CCDC102B: variants seen among roughly 807,000 people sequenced by gnomAD.
CCDC102B encodes the protein coiled-coil domain containing 102B.
Under a neutral mutation model 57.4 loss-of-function variants are expected in CCDC102B, and 75 were observed. The observed-to-expected ratio is 1.31, with a 90% CI of 1.08 to 1.58. The LOEUF (loss-of-function observed/expected upper bound fraction) is 1.58, where lower values mean the gene tolerates loss of function less well. CCDC102B is among the 40% of genes most tolerant of loss of function. The pLI, the probability that CCDC102B is intolerant of heterozygous loss-of-function variation, is 0.00. For missense variants in CCDC102B, 636 were observed against 582.6 expected, an observed-to-expected ratio of 1.09 and a Z score of -0.94; for synonymous variants, 206 against 201.9, an observed-to-expected ratio of 1.02 and a Z score of -0.17.
At chr18:68,822,732 G>T (rs536680819) in intron 1 of CCDC102B, among the ~76,000 whole-genome samples, 2 of 152,118 alleles carry the variant, frequency 1.3e-5, no homozygotes. Context: ...GCGGTATTTG[G>T]TTTTCTGTTC....
chr18:69,053,517 G>A (rs1192163516), intron 7 of CCDC102B, among the ~76,000 whole-genome samples: 6 of 151,462 alleles, frequency 4.0e-5, no homozygotes, highest in Non-Finnish European at 8.9e-5. Context: ...ATCATTTTGA[G>A]GTTTATTACT....
intron 7 of CCDC102B, among the ~76,000 whole-genome samples, chr18:69,012,251 A>T (rs2145396919): frequency 6.6e-6 from 1 of 152,288 alleles, no homozygotes; most frequent in African/African-American, 2.4e-5. Context: ...GAATAATTTT[A>T]ACATGCAAGT....
At chr18:68,800,540 A>G (rs1281207893) in intron 1 of CCDC102B, among the ~76,000 whole-genome samples, 1 of 152,170 alleles carries the variant, frequency 6.6e-6, no homozygotes, top group African/African-American at 2.4e-5. Context: ...ATTTTCTTAA[A>G]TCTACTTAGA....
At chr18:68,888,898 C>T (rs117334050) in intron 5 of CCDC102B, among the ~76,000 whole-genome samples, 4,496 of 152,090 alleles carry the variant, frequency 0.03, 87 homozygotes, top group Non-Finnish European at 0.046. Context: ...TCCAGAAACC[C>T]TTTATCTAAT....
intron 6 of CCDC102B, among the ~76,000 whole-genome samples, chr18:68,996,264 C>T (rs1158610698): frequency 3.3e-5 from 5 of 152,114 alleles, no homozygotes; most frequent in Admixed American, 2.0e-4. Flanking sequence ...TTCTGGCCTC[C>T]ATCTTTCTCC....
chr18:68,877,364 G>A (rs115987019), intron 5 of CCDC102B, among the ~76,000 whole-genome samples: 17 of 152,280 alleles, frequency 1.1e-4, no homozygotes, highest in African/African-American at 4.1e-4. Flanking sequence ...CACATCTAGT[G>A]TTTAACACCT....
chr18:68,874,726 A>G lies in CCDC102B; in HGVS notation c.994A>G (p.Lys332Glu). 6.2e-7 allele frequency: 1 copy of G among 1,612,490 alleles called. No individual in the cohort carries two copies. The highest frequency in any genetic ancestry group is 8.5e-7 in the Non-Finnish European group (1 of 1,178,852). The change falls in exon 5 of 8, where the codon AAG becomes GAG. Residue 332 changes from lysine (K) to glutamate (E), a missense_variant. Physicochemically the swap from Lys to Glu is moderately conservative, Grantham distance 56. Coordinates refer to ENST00000360242, the MANE Select transcript of CCDC102B (RefSeq NM_024781.3). ...AATGCAAGAACTGTCAGGCAATATA[A>G]AGGAAGAATCCAAATCTCAAAACAG... The part of the protein sequence containing the change: ...DEMQELSGNI[K>E]EESKSQNSKD...
intron 2 of CCDC102B, among the ~76,000 whole-genome samples, chr18:68,770,242 A>G (rs2034596580): frequency 6.6e-6 from 1 of 152,140 alleles, no homozygotes; most frequent in Admixed American, 6.5e-5. Flanking sequence ...TTGCTTTTAA[A>G]TCTCCACTAG....
At chr18:68,966,107 G>A (rs573604439) in intron 6 of CCDC102B, among the ~76,000 whole-genome samples, 3 of 152,124 alleles carry the variant, frequency 2.0e-5, no homozygotes, top group South Asian at 2.1e-4. Flanking sequence ...TTTGATATTC[G>A]CCCATAGCTC....
chr18:68,994,496 C>T (rs995309970), intron 6 of CCDC102B, among the ~76,000 whole-genome samples: 8 of 151,940 alleles, frequency 5.3e-5, no homozygotes, highest in African/African-American at 1.9e-4. Context: ...TAATCCTCCC[C>T]TCTCCCTGAC....
At chr18:68,899,659 G>T (rs963609774) in intron 6 of CCDC102B, 1 of 152,004 alleles carries the variant, frequency 6.6e-6, no homozygotes, top group Non-Finnish European at 1.5e-5. Context: ...CAGACATAAA[G>T]CTACGTGCTA....
chr18:68,910,923 G>GGA (rs1555724908), intron 6 of CCDC102B, among the ~76,000 whole-genome samples: 117 of 147,398 alleles, frequency 7.9e-4, no homozygotes, highest in African/African-American at 2.7e-3. Context: ...TAAAAAGGGG[G>GGA]AAAAAAAAAA....
chr18:68,834,455 T>TATATATATATATA (rs2037279358), intron 1 of CCDC102B, among the ~76,000 whole-genome samples: 1 of 65,956 alleles, frequency 1.5e-5, no homozygotes, highest in Non-Finnish European at 3.9e-5. Context: ...ATATATATAT[T>TATATATATATATA]TGCTGTGTTT....
chr18:68,794,113 C>T (rs569559), upstream of CCDC102B, among the ~76,000 whole-genome samples: 151,107 of 152,260 alleles, frequency 0.99, 74,998 homozygotes, highest in Middle Eastern at 1. Flanking sequence ...ATGACAGTGG[C>T]TTCACCAGAT....
At chr18:68,731,135 C>T (rs7237743) in intron 2 of CCDC102B, among the ~76,000 whole-genome samples, 15,195 of 152,068 alleles carry the variant, frequency 0.1, 773 homozygotes, top group East Asian at 0.11. Context: ...TACAGACATG[C>T]GCCACCACCC....
intron 6 of CCDC102B, among the ~76,000 whole-genome samples, chr18:68,984,194 A>G (rs1024522324): frequency 1.3e-5 from 2 of 152,028 alleles, no homozygotes; most frequent in Non-Finnish European, 2.9e-5. Flanking sequence ...AAAAAGTTTA[A>G]AATATCCTCT....
At chr18:68,729,644 A>T (rs1325565381) in intron 2 of CCDC102B, among the ~76,000 whole-genome samples, 2 of 152,246 alleles carry the variant, frequency 1.3e-5, no homozygotes, top group Non-Finnish European at 2.9e-5. Context: ...TACACAATTG[A>T]CAAAAAGCAG....
chr18:68,872,525 G>A (rs1160553784), intron 4 of CCDC102B, among the ~76,000 whole-genome samples: 1 of 151,348 alleles, frequency 6.6e-6, no homozygotes, highest in Non-Finnish European at 1.5e-5. Context: ...TTTTTTTCTT[G>A]AAGATAGTGA....
intron 7 of CCDC102B, among the ~76,000 whole-genome samples, chr18:69,028,977 T>G (rs910628474): frequency 6.6e-6 from 1 of 152,202 alleles, no homozygotes; most frequent in Non-Finnish European, 1.5e-5. Context: ...TATTAGTTTA[T>G]ATTTCCTCAA....
Sources: allele counts gnomAD v4.1 joint callset (sites outside exome capture counted in the v4.1 genomes callset), GRCh38; gene constraint gnomAD v4.1.1; transcripts MANE v1.5; gene names NCBI Gene and HGNC (gene_info 2026-07-23, HGNC 2026-07-21).